Variants in BACH2 observed in about 807,000 individuals in gnomAD.
BACH2 encodes BACH transcriptional regulator 2.
BACH2 carries 5 observed loss-of-function variants against 61.8 expected under a neutral mutation model. The observed-to-expected ratio is 0.08, with a 90% confidence interval of 0.04 to 0.17. The LOEUF (loss-of-function observed/expected upper bound fraction) is 0.17, where lower values mean the gene tolerates loss of function less well. BACH2 is among the 10% of genes least tolerant of loss of function. BACH2 has a pLI of 1.00. For synonymous variants in BACH2, 446 were observed against 440.1 expected (o/e 1.01, Z -0.17); for missense variants, 824 against 1,091.1 (o/e 0.76, Z 3.45).
At chr6:90,272,829 T>C (rs562305181) in intron 1 of BACH2, among the ~76,000 whole-genome samples, 78 of 152,166 alleles carry the variant, frequency 5.1e-4, no homozygotes, top group Non-Finnish European at 1.0e-3. Context: ...TCTTGTAAAA[T>C]TGGCCAGCGT....
At chr6:90,118,683 C>T (rs1241032357) in intron 4 of BACH2, among the ~76,000 whole-genome samples, 1 of 152,156 alleles carries the variant, frequency 6.6e-6, no homozygotes, top group African/African-American at 2.4e-5. Flanking sequence ...CCAAGATGCG[C>T]TCTTAAGAAA....
chr6:90,232,469 G>T (rs545017353), intron 3 of BACH2, among the ~76,000 whole-genome samples: 11 of 152,284 alleles, frequency 7.2e-5, no homozygotes, highest in Non-Finnish European at 1.2e-4. Context: ...AATAAGAAAA[G>T]AAATGTCCAG....
chr6:90,100,066 A>G (rs915305148), intron 4 of BACH2, among the ~76,000 whole-genome samples: 8 of 152,086 alleles, frequency 5.3e-5, no homozygotes, highest in African/African-American at 1.9e-4. Context: ...TCACTTTACC[A>G]TATTTTCAGG....
chr6:89,944,658 T>C (rs1240883738), intron 7 of BACH2, among the ~76,000 whole-genome samples: 1 of 152,160 alleles, frequency 6.6e-6, no homozygotes, highest in Admixed American at 6.5e-5. Flanking sequence ...ATGTTTTCTC[T>C]GGACTTTATC....
chr6:90,034,735 A>G (rs1445528624), intron 5 of BACH2, among the ~76,000 whole-genome samples: 1 of 152,170 alleles, frequency 6.6e-6, no homozygotes, highest in Non-Finnish European at 1.5e-5. Context: ...TGTCATCCTC[A>G]GCTATATTAA....
At chr6:90,262,582 C>T (rs1388884443) in intron 2 of BACH2, among the ~76,000 whole-genome samples, 1 of 152,150 alleles carries the variant, frequency 6.6e-6, no homozygotes, top group East Asian at 1.9e-4. Flanking sequence ...ACCCAATCTC[C>T]GAAGTTTGGC....
At chr6:90,267,108 T>C (rs1771360264) in intron 2 of BACH2, among the ~76,000 whole-genome samples, 1 of 151,432 alleles carries the variant, frequency 6.6e-6, no homozygotes, top group Middle Eastern at 3.4e-3. Flanking sequence ...CTAAGACATC[T>C]CCCCCCCACC....
intron 4 of BACH2, among the ~76,000 whole-genome samples, chr6:90,100,036 C>T (rs547052717): frequency 2.6e-5 from 4 of 152,080 alleles, no homozygotes; most frequent in Admixed American, 6.5e-5. Context: ...TATTATGAGG[C>T]CTTTTGTGTC....
At chr6:90,037,861 T>C (rs1436612813) in intron 5 of BACH2, among the ~76,000 whole-genome samples, 2 of 152,178 alleles carry the variant, frequency 1.3e-5, no homozygotes, top group Non-Finnish European at 2.9e-5. Flanking sequence ...GAACTCCATA[T>C]GGAGACAGAG....
At chr6:90,292,331 C>T (rs770976175) in intron 1 of BACH2, among the ~76,000 whole-genome samples, 5 of 152,170 alleles carry the variant, frequency 3.3e-5, no homozygotes, top group East Asian at 1.9e-4. Flanking sequence ...GCACATGGTG[C>T]GGATTCAGTA....
intron 4 of BACH2, among the ~76,000 whole-genome samples, chr6:90,131,050 G>T (rs1055143593): frequency 6.6e-6 from 1 of 152,180 alleles, no homozygotes; most frequent in African/African-American, 2.4e-5. Flanking sequence ...GCGGAAGATT[G>T]ACTTTCACAT....
At chr6:89,995,397 C>A (rs994307343) in intron 6 of BACH2, among the ~76,000 whole-genome samples, 4 of 152,080 alleles carry the variant, frequency 2.6e-5, no homozygotes, top group Non-Finnish European at 2.9e-5. Flanking sequence ...GGATGTGTGA[C>A]AAAGAGACAT....
intron 6 of BACH2, among the ~76,000 whole-genome samples, chr6:89,979,988 G>A (rs1437148892): frequency 6.6e-6 from 1 of 152,148 alleles, no homozygotes; most frequent in Non-Finnish European, 1.5e-5. Flanking sequence ...TATAACTTGT[G>A]TATTAAAAAT....
At chr6:90,033,571 A>T (rs972320341) in intron 5 of BACH2, among the ~76,000 whole-genome samples, 10 of 152,202 alleles carry the variant, frequency 6.6e-5, no homozygotes, top group African/African-American at 1.7e-4. Context: ...GCATTTATAT[A>T]GGAACAGTCT....
At chr6:90,068,023 G>A (rs1300408806) in intron 5 of BACH2, among the ~76,000 whole-genome samples, 2 of 152,108 alleles carry the variant, frequency 1.3e-5, no homozygotes, top group African/African-American at 2.4e-5. Context: ...ATATTTCTGA[G>A]GTTCCTTGAG....
intron 3 of BACH2, among the ~76,000 whole-genome samples, chr6:90,238,659 T>C (rs1368387159): frequency 6.6e-6 from 1 of 152,208 alleles, no homozygotes; most frequent in Non-Finnish European, 1.5e-5. Flanking sequence ...TTGGTCTTGC[T>C]TGAGAGAAAC....
chr6:90,085,449 C>G (rs1781894084), intron 5 of BACH2, among the ~76,000 whole-genome samples: 1 of 152,184 alleles, frequency 6.6e-6, no homozygotes, highest in African/African-American at 2.4e-5. Flanking sequence ...TCTGGAGGAA[C>G]TGGAGCAGCC....
At chr6:90,258,476 T>C (rs1472742107) in intron 2 of BACH2, among the ~76,000 whole-genome samples, 2 of 152,206 alleles carry the variant, frequency 1.3e-5, no homozygotes, top group East Asian at 1.9e-4. Flanking sequence ...CTTTGTAATA[T>C]AATTTTTAAA....
At chr6:90,165,499 T>A (rs1767578550) in intron 4 of BACH2, among the ~76,000 whole-genome samples, 1 of 152,082 alleles carries the variant, frequency 6.6e-6, no homozygotes, top group Non-Finnish European at 1.5e-5. Flanking sequence ...AATTTATAGA[T>A]TCAATGCCAT....
Sources: gnomAD v4.1 joint callset for allele counts (sites outside exome capture counted in the v4.1 genomes callset) on GRCh38, gnomAD v4.1.1 for gene constraint, MANE v1.5 for transcripts, NCBI Gene and HGNC (gene_info 2026-07-23, HGNC 2026-07-21) for gene names.